The following MTUS2 variants were observed in gnomAD, a reference collection of about 807,000 sequenced individuals.
MTUS2 encodes the protein microtubule associated scaffold protein 2, also known as microtubule-associated tumor suppressor candidate 2.
In MTUS2, 40 loss-of-function variants were observed where a neutral mutation model predicts 114.1. The observed-to-expected ratio is 0.35, with a 90% CI of 0.27 to 0.46. The LOEUF (loss-of-function observed/expected upper bound fraction) is 0.46. Ranked by LOEUF, MTUS2 falls within the 20% of genes least tolerant of loss-of-function variation. The probability of loss-of-function intolerance (pLI) is 1.00; values close to 1 mark genes in which losing one functional copy is unlikely to be tolerated. For missense variants in MTUS2, 1,679 were observed against 1,705.4 expected (o/e 0.98, Z 0.27); for synonymous variants, 688 against 672.0 (o/e 1.02, Z -0.37).
chr13:29,267,627 A>T (rs1897715604), intron 5 of MTUS2, among the ~76,000 whole-genome samples: 1 of 152,196 alleles, frequency 6.6e-6, no homozygotes, highest in Non-Finnish European at 1.5e-5. Context: ...GCACATTACA[A>T]TGTGGGACTG....
intron 4 of MTUS2, among the ~76,000 whole-genome samples, chr13:29,047,606 C>T (rs1245761169): frequency 9.9e-5 from 15 of 151,790 alleles, no homozygotes; most frequent in Non-Finnish European, 1.6e-4. Context: ...CTCTGCCTCC[C>T]GGGTTCATGC....
At chr13:29,063,089 G>A (rs1300023270) in intron 4 of MTUS2, among the ~76,000 whole-genome samples, 1 of 152,080 alleles carries the variant, frequency 6.6e-6, no homozygotes. Flanking sequence ...TTTTATTAGT[G>A]AAACCTAAGA....
chr13:29,501,908 CACTCATAT>C (rs1467222957), intron 15 of MTUS2, among the ~76,000 whole-genome samples: 6 of 152,208 alleles, frequency 3.9e-5, no homozygotes, highest in Middle Eastern at 3.2e-3. Flanking sequence ...CTTACGCACA[CACTCATAT>C]ACTCATACAA....
At chr13:29,452,986 G>T (rs1256848607) in intron 9 of MTUS2, among the ~76,000 whole-genome samples, 1 of 152,164 alleles carries the variant, frequency 6.6e-6, no homozygotes, top group Non-Finnish European at 1.5e-5. Flanking sequence ...TAGTAGATAG[G>T]CAAGGGAGAT....
At chr13:28,987,131 C>T (rs190738215) in intron 2 of MTUS2, among the ~76,000 whole-genome samples, 46 of 152,328 alleles carry the variant, frequency 3.0e-4, no homozygotes, top group Admixed American at 1.2e-3. Flanking sequence ...CTGGACCCCT[C>T]GGACTCTCCT....
intron 8 of MTUS2, among the ~76,000 whole-genome samples, chr13:29,375,344 CCCGCAATTACTTACTTTTAATGGCAAAAA>C (rs1555270776): frequency 0.063 from 148 of 2,360 alleles, no homozygotes; most frequent in African/African-American, 0.064. Flanking sequence ...TAATGGCAAA[CCCGCAATTACTTACTTTTAATGGCAAAAA>C]CCGCAATTAC....
intron 1 of MTUS2, among the ~76,000 whole-genome samples, chr13:28,837,000 G>T (rs1875130691): frequency 6.6e-6 from 1 of 152,170 alleles, no homozygotes; most frequent in South Asian, 2.1e-4. Context: ...AACATTGGGT[G>T]ATTGAAATCT....
chr13:29,192,237 A>AC (rs1166521284), intron 5 of MTUS2, among the ~76,000 whole-genome samples: 1 of 152,180 alleles, frequency 6.6e-6, no homozygotes, highest in Admixed American at 6.5e-5. Context: ...TGTTTTGAAA[A>AC]AGGTTTGGGT....
intron 5 of MTUS2, among the ~76,000 whole-genome samples, chr13:29,147,135 A>AT (rs1000230045): frequency 2.0e-5 from 3 of 151,416 alleles, no homozygotes; most frequent in East Asian, 1.9e-4. Context: ...TCTAAGCCAC[A>AT]TTTTTTTTTA....
At position 29,003,562 on chromosome 13, in the gene MTUS2, G is replaced by A. The variant is rs144438057; in HGVS notation, c.-242-20895G>A. ...TATTTATTCTGCCCCAACTGTTTCT[G>A]GTCTCTAATTCGACATATCTAGTAC... On this transcript the variant is annotated intron_variant, in intron 2 of 15. Coordinates refer to ENST00000612955, the MANE Select transcript of MTUS2 (RefSeq NM_001033602.4). Among the ~76,000 whole-genome samples, 15 of 152,262 alleles carry A rather than the reference G, an allele frequency of 9.9e-5. No individual in the cohort carries two copies. The East Asian group carries it at 2.9e-3, about 29-fold the overall frequency.
chr13:29,411,185 GT>G (rs1875210730), intron 8 of MTUS2, among the ~76,000 whole-genome samples: 1 of 152,094 alleles, frequency 6.6e-6, no homozygotes, highest in Non-Finnish European at 1.5e-5. Context: ...GGGGGTTTTT[GT>G]TTTCTTTTTG....
chr13:29,479,456 T>A (rs921429252), intron 9 of MTUS2, among the ~76,000 whole-genome samples: 8 of 152,224 alleles, frequency 5.3e-5, no homozygotes, highest in Non-Finnish European at 8.8e-5. Context: ...CCGCTGTCAT[T>A]GCCTCATGCC....
At chr13:28,985,149 A>G (rs1321633471) in intron 2 of MTUS2, among the ~76,000 whole-genome samples, 5 of 152,236 alleles carry the variant, frequency 3.3e-5, no homozygotes, top group African/African-American at 9.6e-5. Flanking sequence ...TGAGAGAACT[A>G]TATGTCAGTG....
At chr13:28,996,783 T>C (rs531629625) in intron 2 of MTUS2, among the ~76,000 whole-genome samples, 19 of 152,150 alleles carry the variant, frequency 1.2e-4, no homozygotes, top group South Asian at 8.3e-4. Context: ...TTTGATTCTT[T>C]TCTCTTTTCT....
intron 6 of MTUS2, among the ~76,000 whole-genome samples, chr13:29,320,887 A>G (rs1027470091): frequency 6.6e-6 from 1 of 152,132 alleles, no homozygotes; most frequent in African/African-American, 2.4e-5. Flanking sequence ...GGTCAGAAAG[A>G]CCTCATCACT....
At chr13:29,241,156 GC>G (rs1274034681) in intron 5 of MTUS2, among the ~76,000 whole-genome samples, 1 of 152,170 alleles carries the variant, frequency 6.6e-6, no homozygotes, top group Non-Finnish European at 1.5e-5. Context: ...AAGAGCCCCA[GC>G]CCTGGGTTAC....
At chr13:28,940,311 G>C (rs1435144244) in intron 2 of MTUS2, among the ~76,000 whole-genome samples, 2 of 152,174 alleles carry the variant, frequency 1.3e-5, no homozygotes, top group Admixed American at 1.3e-4. Context: ...ACTGATACAT[G>C]CTACAGTGTG....
chr13:29,217,153 G>A (rs766249900), intron 5 of MTUS2, among the ~76,000 whole-genome samples: 21 of 152,160 alleles, frequency 1.4e-4, no homozygotes, highest in Non-Finnish European at 2.9e-4. Flanking sequence ...TATCAGTTTT[G>A]TGCCTGTGTT....
chr13:29,023,299 C>G (rs944924263), intron 2 of MTUS2, among the ~76,000 whole-genome samples: 8 of 152,220 alleles, frequency 5.3e-5, no homozygotes, highest in Non-Finnish European at 1.0e-4. Context: ...AGGGCCTGAT[C>G]ATGCAGGCCT....
Sources: gnomAD v4.1 joint callset for allele counts (sites outside exome capture counted in the v4.1 genomes callset) on GRCh38, gnomAD v4.1.1 for gene constraint, MANE v1.5 for transcripts, NCBI Gene and HGNC (gene_info 2026-07-23, HGNC 2026-07-21) for gene names.